Variants in MYH9 observed in about 807,000 individuals in gnomAD.
The protein encoded by MYH9 is myosin-9.
In MYH9, 29 loss-of-function variants were observed where a neutral mutation model predicts 241.9. The ratio of observed to expected loss-of-function variants is 0.12; its 90% CI spans 0.09 to 0.16. The LOEUF (loss-of-function observed/expected upper bound fraction) is 0.16, where lower values mean the gene tolerates loss of function less well. MYH9 is among the 10% of genes least tolerant of loss of function. MYH9 has a pLI of 1.00. For synonymous variants in MYH9, 1,047 were observed against 1,062.6 expected (o/e 0.99, Z 0.29); for missense variants, 1,803 against 2,595.5 (o/e 0.69, Z 6.63).
chr22:36,307,836 C>T (rs1196377235), intron 15 of MYH9, among the ~76,000 whole-genome samples: 7 of 150,756 alleles, frequency 4.6e-5, no homozygotes, highest in Non-Finnish European at 5.9e-5. Flanking sequence ...TGCAGTGAGC[C>T]GAGATTGCAC....
At chr22:36,302,218 A>T in intron 20 of MYH9, 1 of 287,448 alleles carries the variant, frequency 3.5e-6, no homozygotes, top group Non-Finnish European at 6.8e-6. Flanking sequence ...GCTTTTTGTG[A>T]GTTGGTTTTT....
intron 1 of MYH9, among the ~76,000 whole-genome samples, chr22:36,370,756 C>T (rs138266085): frequency 1.3e-5 from 2 of 152,248 alleles, no homozygotes; most frequent in African/African-American, 4.8e-5. Context: ...GCCAGGGCAG[C>T]CCCCACCCAG....
intron 12 of MYH9, 145 bp downstream of exon 12, chr22:36,316,371 AC>A (rs2017152344): frequency 1.9e-5 from 21 of 1,120,176 alleles, no homozygotes; most frequent in Non-Finnish European, 2.6e-5. Context: ...AAAAAAAACA[AC>A]CCCACACCCA....
At chr22:36,366,777 C>T (rs1243965294) in intron 1 of MYH9, among the ~76,000 whole-genome samples, 1 of 152,126 alleles carries the variant, frequency 6.6e-6, no homozygotes, top group African/African-American at 2.4e-5. Flanking sequence ...GGCTTAAATA[C>T]AAGAAGGATC....
intron 3 of MYH9, among the ~76,000 whole-genome samples, chr22:36,332,327 G>A (rs370640814): frequency 7.2e-5 from 11 of 152,240 alleles, no homozygotes; most frequent in East Asian, 1.9e-4. Flanking sequence ...ATTAGCAGAG[G>A]CTGCAGATCT....
Position 36,306,396 on chromosome 22 carries a change from C to G in MYH9, c.2037+18G>C. Reference sequence around the variant, plus strand: ...CACCACAGTGCCCTGCCCGGGCCACCCCACCAGGCAGCCGCACCTTCTTCT... The same window carrying G: ...CACCACAGTGCCCTGCCCGGGCCACGCCACCAGGCAGCCGCACCTTCTTCT... On this transcript the variant is annotated intron_variant, in intron 16 of 40. Coordinates refer to ENST00000216181, the MANE Select transcript of MYH9 (RefSeq NM_002473.6). This position sits in a 1 kb window ranked among gnomAD's most constrained non-coding sequence, Gnocchi z 4.1. 6.2e-7 allele frequency: 1 copy of G among 1,613,952 alleles called. No homozygotes were observed. The highest frequency in any genetic ancestry group is 2.2e-5 in the East Asian group (1 of 44,888).
chr22:36,295,815 G>A lies in MYH9; in HGVS notation c.3273-98C>T. 8.9e-7 allele frequency: 1 copy of A among 1,121,706 alleles called. No individual in the cohort carries two copies. Among genetic ancestry groups the A allele is most frequent in the Non-Finnish European group, 1.3e-6 (1 of 766,368 alleles). 69.5% of individuals were successfully genotyped at this position (1,121,706 alleles called of 1,614,324 possible). A position where few individuals can be genotyped will look rare whatever the true frequency, so the allele number is the denominator to read the frequency against. ...TGAGAGAGCTGCAGCAGCCAAAGCT[G>A]CCTCCTGTGGTCACAATCATGGCAC... is the stretch of plus-strand genomic sequence containing the variant. On this transcript the variant is annotated intron_variant, in intron 25 of 40. Coordinates refer to ENST00000216181, the MANE Select transcript of MYH9 (RefSeq NM_002473.6). The surrounding 1 kb of genome is among the most constrained non-coding windows in gnomAD (Gnocchi z 4.1).
chr22:36,332,661 T>TAA (rs67602880), intron 3 of MYH9, among the ~76,000 whole-genome samples: 3,449 of 44,540 alleles, frequency 0.077, 452 homozygotes, highest in Non-Finnish European at 0.093. Flanking sequence ...TCTGGATAAT[T>TAA]AAAAAAAAAA....
At chr22:36,303,572 C>G (rs928020720) in intron 19 of MYH9, among the ~76,000 whole-genome samples, 1 of 151,800 alleles carries the variant, frequency 6.6e-6, no homozygotes, top group Non-Finnish European at 1.5e-5. Context: ...CACTTGAGGT[C>G]AGGAGTTCGA....
chr22:36,322,148 G>A (rs1322176454), intron 6 of MYH9, among the ~76,000 whole-genome samples: 3 of 152,284 alleles, frequency 2.0e-5, no homozygotes, highest in Non-Finnish European at 4.4e-5. Flanking sequence ...ACTGGTGACA[G>A]CTGAGCACTC....
At chr22:36,357,912 T>C (rs1206988831) in intron 1 of MYH9, among the ~76,000 whole-genome samples, 2 of 152,212 alleles carry the variant, frequency 1.3e-5, no homozygotes, top group Non-Finnish European at 1.5e-5. Context: ...AAGAGACTGA[T>C]GTGCCTCCCC....
Position 36,285,559 on chromosome 22 carries a change from G to T in MYH9, c.5274+99C>A. 1 of 1,567,046 alleles carries T rather than the reference G, an allele frequency of 6.4e-7. No homozygotes were observed. Reference sequence around the variant, plus strand: ...TTTTCCCCTAAGCGCCTGGGGAGCAGCTGGCACTTGGCCTGTGCTTCTGCC... The same window carrying T: ...TTTTCCCCTAAGCGCCTGGGGAGCATCTGGCACTTGGCCTGTGCTTCTGCC... On this transcript the variant is annotated intron_variant, in intron 37 of 40. Transcript: ENST00000216181. This position sits in a 1 kb window ranked among gnomAD's most constrained non-coding sequence, Gnocchi z 7.0.
chr22:36,380,744 A>AAAAAGAAAAG (rs150377619), intron 1 of MYH9, among the ~76,000 whole-genome samples: 80 of 151,504 alleles, frequency 5.3e-4, no homozygotes, highest in African/African-American at 1.7e-3. Context: ...CTGTCTCCAA[A>AAAAAGAAAAG]AAAAGAAAAG....
intron 1 of MYH9, among the ~76,000 whole-genome samples, chr22:36,368,834 A>G (rs2146414137): frequency 6.7e-6 from 1 of 148,910 alleles, no homozygotes; most frequent in Non-Finnish European, 1.5e-5. Context: ...AAAGCCCGGA[A>G]GAGCCTGCGA....
chr22:36,322,058 C>G lies in MYH9; in HGVS notation c.706-237G>C, dbSNP rs889428622. On this transcript the variant is annotated intron_variant, in intron 6 of 40. Transcript: ENST00000216181. ...GAGCCTGAGACAAGCTGATCCCACA[C>G]CCAGGTTCCTCCGCAGAGGGGGAAA... 1.7e-5 allele frequency: 10 copies of G among 595,556 alleles called. No homozygotes were observed. In the Admixed American group the frequency reaches 2.9e-4, roughly 17 times the overall value. The allele number at this position is 595,556 out of a possible 1,614,324, so 36.9% of individuals were successfully genotyped here.
intron 25 of MYH9, among the ~76,000 whole-genome samples, chr22:36,296,080 A>T (rs894244422): frequency 6.6e-6 from 1 of 152,244 alleles, no homozygotes; most frequent in Non-Finnish European, 1.5e-5. Flanking sequence ...TTAGATGGTT[A>T]TGACAGGTCA....
chr22:36,294,127 G>C lies in MYH9; in HGVS notation c.3802C>G (p.Arg1268Gly). 1 of 1,611,082 alleles carries C rather than the reference G, an allele frequency of 6.2e-7. No homozygotes were observed. ...QVKFNEGERV[R>G]TELADKVTKL... ...GTGACCTTGTCGGCCAGCTCTGTGCGCACGCGCTCTCCCTCGTTGAACTTG... is the reference window on the plus strand; with the variant it reads ...GTGACCTTGTCGGCCAGCTCTGTGCCCACGCGCTCTCCCTCGTTGAACTTG... The change falls in exon 28 of 41, where the codon CGC becomes GGC. Residue 1268 changes from arginine (R) to glycine (G), a missense_variant. Around this residue, in one of 11 missense-constraint regions of MYH9, gnomAD observed 876 missense variants for 1,077.8 expected, o/e 0.81. Coordinates refer to ENST00000216181, the MANE Select transcript of MYH9 (RefSeq NM_002473.6).
chr22:36,351,844 G>A (rs2017769732), intron 1 of MYH9, among the ~76,000 whole-genome samples: 2 of 151,884 alleles, frequency 1.3e-5, no homozygotes, highest in Non-Finnish European at 2.9e-5. Context: ...GCCAATGAAC[G>A]CATCTGAGGA....
intron 3 of MYH9, among the ~76,000 whole-genome samples, chr22:36,335,508 T>C (rs1024612031): frequency 1.3e-5 from 2 of 152,160 alleles, no homozygotes; most frequent in African/African-American, 4.8e-5. Flanking sequence ...CCTGTCCCGG[T>C]GAGTCGATTC....
Sources: gnomAD v4.1 joint callset for allele counts (sites outside exome capture counted in the v4.1 genomes callset) on GRCh38, gnomAD v4.1.1 for gene constraint, gnomAD v4.1.1 regional missense constraint, Gnocchi (gnomAD v3.1) non-coding constraint, MANE v1.5 for transcripts, NCBI Gene and HGNC (gene_info 2026-07-23, HGNC 2026-07-21) for gene names.